MAP3K19: variants seen among roughly 807,000 people sequenced by gnomAD.
MAP3K19 encodes SPS1/STE20-related protein kinase YSK4.
A neutral mutation model predicts 114.4 loss-of-function variants in MAP3K19; 91 were observed. The observed-to-expected ratio is 0.80, with a 90% CI of 0.67 to 0.95. MAP3K19 has a LOEUF of 0.95. Among genes scored for constraint, MAP3K19 ranks in the 40% least tolerant of loss-of-function variants. The pLI, the probability that MAP3K19 is intolerant of heterozygous loss-of-function variation, is 0.00. For missense variants in MAP3K19, 1,471 were observed against 1,573.2 expected, an observed-to-expected ratio of 0.94 and a Z score of 1.10; for synonymous variants, 518 against 530.5, an observed-to-expected ratio of 0.98 and a Z score of 0.32.
chr2:135,020,976 G>A (rs1309567337), intron 5 of MAP3K19, among the ~76,000 whole-genome samples: 1 of 152,092 alleles, frequency 6.6e-6, no homozygotes, highest in Non-Finnish European at 1.5e-5. Flanking sequence ...GGACCACCAC[G>A]GCTAGCCTAG....
At chr2:135,022,281 C>T (rs1192626847) in intron 4 of MAP3K19, among the ~76,000 whole-genome samples, 9 of 152,064 alleles carry the variant, frequency 5.9e-5, no homozygotes, top group Non-Finnish European at 4.4e-5. Flanking sequence ...TTGCAAAACC[C>T]TCTGTAGGGT....
intron 4 of MAP3K19, 84 bp from the exon 5 acceptor site, chr2:135,021,914 T>C (rs1286135073): frequency 6.4e-6 from 5 of 780,504 alleles, no homozygotes; most frequent in African/African-American, 1.8e-5. Flanking sequence ...TGTTCTAAAA[T>C]CAGCTCCATT....
chr2:135,017,131 C>T (rs1254181414), intron 5 of MAP3K19, among the ~76,000 whole-genome samples: 2 of 151,884 alleles, frequency 1.3e-5, no homozygotes, highest in East Asian at 3.8e-4. Context: ...GCTATCTTGG[C>T]TCTTCATATT....
intron 8 of MAP3K19, among the ~76,000 whole-genome samples, chr2:134,993,863 T>C (rs778107546): frequency 4.6e-5 from 7 of 152,096 alleles, no homozygotes; most frequent in Non-Finnish European, 7.4e-5. Context: ...ATGTTAAAAG[T>C]AGCCAGGTGT....
intron 12 of MAP3K19, among the ~76,000 whole-genome samples, chr2:134,968,603 G>T (rs1313783116): frequency 2.2e-4 from 33 of 148,242 alleles, no homozygotes; most frequent in East Asian, 6.1e-4. Flanking sequence ...CGGGGCGGTT[G>T]CCAGGCAGAG....
chr2:134,986,430 AG>A lies in MAP3K19; in HGVS notation c.2441del (p.Ser814LeufsTer68). The A allele has an allele frequency of 6.2e-7, 1 of 1,614,044 alleles. No individual in the cohort carries two copies. Among genetic ancestry groups the A allele is most frequent in the Non-Finnish European group, 8.5e-7 (1 of 1,180,034 alleles). ...VSDLSIVEEV[S>X]MEESTGDRDI... is the part of the protein sequence containing the mutation. ...CTCTATCACCAGTAGACTCTTCCAT[AG>A]AAACTTCTTCAACAATGGATAAATC... On this transcript the variant is annotated frameshift_variant, in exon 10 of 13. Coordinates refer to ENST00000392915, the MANE Select transcript of MAP3K19 (RefSeq NM_025052.5). LOFTEE classifies it high-confidence loss of function.
At chr2:135,003,380 A>G (rs1686588136) in intron 6 of MAP3K19, among the ~76,000 whole-genome samples, 1 of 152,180 alleles carries the variant, frequency 6.6e-6, no homozygotes, top group Non-Finnish European at 1.5e-5. Context: ...AGGTTCTTGT[A>G]TACCTGCAAC....
At chr2:135,024,519 G>A (rs1414964248) in intron 4 of MAP3K19, 107 bp downstream of exon 4, 1 of 1,021,038 alleles carries the variant, frequency 9.8e-7, no homozygotes, top group Non-Finnish European at 1.5e-6. Flanking sequence ...AAATAGCCGT[G>A]GACTTGATTT....
rs184835633 is a variant in MAP3K19, at chr2:134,991,015, G to A, written c.618+522C>T. Among the ~76,000 whole-genome samples, 20 of 151,992 alleles carry A rather than the reference G, an allele frequency of 1.3e-4. No individual in the cohort carries two copies. In the South Asian group the frequency reaches 1.5e-3, roughly 11 times the overall value. On this transcript the variant is annotated intron_variant, in intron 9 of 12. Transcript: ENST00000392915. ...TCAAGACCAACGTGGCCAACATAGCGAGACCCTGTCTCTAAACAAAACAAA... is the reference window on the plus strand; with the variant it reads ...TCAAGACCAACGTGGCCAACATAGCAAGACCCTGTCTCTAAACAAAACAAA...
At chr2:135,010,547 G>A (rs911631916) in intron 5 of MAP3K19, among the ~76,000 whole-genome samples, 5 of 152,280 alleles carry the variant, frequency 3.3e-5, no homozygotes, top group South Asian at 2.1e-4. Flanking sequence ...ATAGAGCATC[G>A]CATTCTAGCC....
At chr2:135,005,026 A>G (rs1686716490) in intron 6 of MAP3K19, among the ~76,000 whole-genome samples, 1 of 152,242 alleles carries the variant, frequency 6.6e-6, no homozygotes, top group African/African-American at 2.4e-5. Context: ...GCATTTGCCT[A>G]TTCTGGCCAG....
chr2:135,001,914 A>G (rs1686471174), intron 6 of MAP3K19, among the ~76,000 whole-genome samples: 1 of 152,260 alleles, frequency 6.6e-6, no homozygotes, highest in Non-Finnish European at 1.5e-5. Flanking sequence ...GATATTGTTA[A>G]GAGCTAATGG....
chr2:134,988,861 A>G (rs997247266), intron 9 of MAP3K19, among the ~76,000 whole-genome samples: 5 of 152,266 alleles, frequency 3.3e-5, no homozygotes, highest in African/African-American at 1.2e-4. Context: ...GAAGCATTTT[A>G]TTTCTCTTCT....
Position 134,964,834 on chromosome 2 carries a change from A to C in MAP3K19, c.*16T>G. ...AGCATCTGCAGTGGAACTGGGAAGAAAGTCTTGATGTATATTCAGTGACTT... is the reference window on the plus strand; with the variant it reads ...AGCATCTGCAGTGGAACTGGGAAGACAGTCTTGATGTATATTCAGTGACTT... On this transcript the variant is annotated 3_prime_UTR_variant, in exon 13 of 13. Transcript: ENST00000392915. 1 of 1,603,302 alleles carries C rather than the reference A, an allele frequency of 6.2e-7. No homozygotes were observed. Among genetic ancestry groups the C allele is most frequent in the Non-Finnish European group, 8.5e-7 (1 of 1,170,872 alleles).
In MAP3K19 at chr2:134,986,203, T is replaced by A; in HGVS notation, c.2669A>T (p.Asp890Val). The A allele has an allele frequency of 6.2e-7, 1 of 1,613,894 alleles. No individual in the cohort carries two copies. The highest frequency in any genetic ancestry group is 8.5e-7 in the Non-Finnish European group (1 of 1,179,934). ...KVNASRILTN[D>V]LEFDSVSDHS... ...ATCTGAAACACTATCAAACTCTAGA[T>A]CATTAGTTAAAATTCGGCTGGCATT... is the stretch of plus-strand genomic sequence containing the variant. Residue 890 changes from aspartate to valine, a missense_variant, in exon 10 of 13, where the codon GAT becomes GTT. Physicochemically the swap from Asp to Val is radical, Grantham distance 152. Coordinates refer to ENST00000392915, the MANE Select transcript of MAP3K19 (RefSeq NM_025052.5).
chr2:135,015,840 C>A (rs1341944906), intron 5 of MAP3K19, among the ~76,000 whole-genome samples: 1 of 151,878 alleles, frequency 6.6e-6, no homozygotes, highest in East Asian at 1.9e-4. Flanking sequence ...TTGCAGTGAG[C>A]CGAGATTGCA....
intron 12 of MAP3K19, among the ~76,000 whole-genome samples, chr2:134,977,931 G>C (rs1684365093): frequency 6.6e-6 from 1 of 152,146 alleles, no homozygotes; most frequent in Non-Finnish European, 1.5e-5. Context: ...TTAATGAGCT[G>C]TTTGTCATTT....
At position 134,998,844 on chromosome 2, in the gene MAP3K19, G is replaced by T; in HGVS notation, c.468C>A (p.Asn156Lys). The change falls in exon 8 of 13, where the codon AAC (asparagine) becomes AAA (lysine). Residue 156 changes from asparagine to lysine, a missense_variant. Transcript: ENST00000392915. ...EESSRELCNV[N>K]LGFLLPRSCL... ...AAGATCTTGGTAGCAAAAAGCCCAAGTTCACATTGCAGAGCTCCCTGGAAC... is the reference window on the plus strand; with the variant it reads ...AAGATCTTGGTAGCAAAAAGCCCAATTTCACATTGCAGAGCTCCCTGGAAC... 6.2e-7 allele frequency: 1 copy of T among 1,614,196 alleles called. No individual in the cohort carries two copies.
rs74590616 is a variant in MAP3K19, at chr2:134,975,576, C to T, written c.3920+5245G>A. 5.3e-3 allele frequency among the ~76,000 whole-genome samples: 809 copies of T among 152,108 alleles called. 8 individuals are homozygous for T. The highest frequency in any genetic ancestry group is 0.018 in the African/African-American group (760 of 41,490). On this transcript the variant is annotated intron_variant, in intron 12 of 12. Transcript: ENST00000392915. The stretch of plus-strand genomic sequence containing the variant: ...CATGATGATTGGGTGGCTGCAGCTC[C>T]GGTGGTGGTGGGCAAGGGGAGCCTG...
Sources: allele counts gnomAD v4.1 joint callset (sites outside exome capture counted in the v4.1 genomes callset), GRCh38; gene constraint gnomAD v4.1.1; transcripts MANE v1.5; gene names NCBI Gene and HGNC (gene_info 2026-07-23, HGNC 2026-07-21).